The following BRAP variants were observed in gnomAD, a reference collection of about 807,000 sequenced individuals.
BRAP encodes BRCA1 associated protein, also known as BRCA1-associated protein.
A neutral mutation model predicts 73.4 loss-of-function variants in BRAP; 42 were observed. The observed-to-expected ratio is 0.57, with a 90% CI of 0.45 to 0.74. The LOEUF is 0.74. BRAP is among the 30% of genes least tolerant of loss of function. The pLI, the probability that BRAP is intolerant of heterozygous loss-of-function variation, is 0.00. For missense variants in BRAP, 593 were observed against 751.4 expected (o/e 0.79, Z 2.46); for synonymous variants, 255 against 267.4 (o/e 0.95, Z 0.45).
intron 11 of BRAP, among the ~76,000 whole-genome samples, chr12:111,644,853 T>G (rs1011529188): frequency 2.0e-5 from 3 of 151,706 alleles, no homozygotes; most frequent in African/African-American, 7.3e-5. Context: ...ACCTCCTGGG[T>G]TCAAGCGATT....
intron 7 of BRAP, among the ~76,000 whole-genome samples, chr12:111,659,569 G>T (rs1056065769): frequency 6.6e-6 from 1 of 152,160 alleles, no homozygotes; most frequent in Non-Finnish European, 1.5e-5. Flanking sequence ...CAAGAGAATC[G>T]CTTGAACCCA....
At chr12:111,683,033 G>GA in intron 2 of BRAP, 113 bp downstream of exon 2, 1 of 1,228,490 alleles carries the variant, frequency 8.1e-7, no homozygotes, top group Non-Finnish European at 1.1e-6. Context: ...CACACGTAGT[G>GA]AAAGACAAAA....
intron 11 of BRAP, 44 bp downstream of exon 11, chr12:111,649,895 T>C: frequency 7.4e-7 from 1 of 1,349,784 alleles, no homozygotes; most frequent in Non-Finnish European, 1.0e-6. Flanking sequence ...AGAAACTGTC[T>C]GTTTATAGAG....
intron 8 of BRAP, 63 bp downstream of exon 8, chr12:111,659,144 G>T: frequency 6.5e-7 from 1 of 1,548,002 alleles, no homozygotes; most frequent in Non-Finnish European, 8.8e-7. Flanking sequence ...GAAAGTGAAG[G>T]CGTTGTGAAG....
chr12:111,666,710 C>T (rs1213943040), intron 5 of BRAP, among the ~76,000 whole-genome samples: 8 of 152,144 alleles, frequency 5.3e-5, no homozygotes, highest in Non-Finnish European at 7.3e-5. Context: ...CTTGACTTGA[C>T]GCTTCCAGCC....
rs1382496471 is a variant in BRAP at position 111,643,081 on chromosome 12, C to T, written c.*1118G>A. 6.6e-6 allele frequency: 1 copy of T among 152,156 alleles called. No homozygotes were observed. The highest frequency in any genetic ancestry group is 1.5e-5 in the Non-Finnish European group (1 of 68,030). The allele number at this position is 152,156 out of a possible 1,614,324, so 9.4% of individuals were successfully genotyped here. A position where few individuals can be genotyped will look rare whatever the true frequency, so the allele number is the denominator to read the frequency against. On this transcript the variant is annotated 3_prime_UTR_variant, in exon 12 of 12. Coordinates refer to ENST00000419234, the MANE Select transcript of BRAP (RefSeq NM_006768.5). ...ACACAGGTCTTATTTTAAGTTTGCT[C>T]AATTACTGCAGGTTATAAATTATTT...
chr12:111,684,475 AC>A (rs1271527753), intron 1 of BRAP, among the ~76,000 whole-genome samples: 1 of 152,052 alleles, frequency 6.6e-6, no homozygotes, highest in East Asian at 1.9e-4. Flanking sequence ...CAAACCAAAC[AC>A]ATCTTCTTGT....
At chr12:111,680,425 A>G (rs1003025763) in intron 3 of BRAP, among the ~76,000 whole-genome samples, 5 of 151,898 alleles carry the variant, frequency 3.3e-5, no homozygotes, top group African/African-American at 1.2e-4. Flanking sequence ...TGCCGGGTGC[A>G]GTGACTCACA....
Position 111,644,384 on chromosome 12 carries a change from G to T in BRAP, c.1594C>A (p.Gln532Lys). Reference protein sequence around the residue: ...KDLQITEIQEQLRDVMFYLET... With the variant: ...KDLQITEIQEKLRDVMFYLET... ...AGGTAGAACATGACGTCACGCAGCTGCTCCTGGATCTCGGTGATCTGCAGA... is the reference window on the plus strand; with the variant it reads ...AGGTAGAACATGACGTCACGCAGCTTCTCCTGGATCTCGGTGATCTGCAGA... The change falls in exon 12 of 12, where the codon CAG becomes AAG. Residue 532 changes from glutamine (Q) to lysine (K), a missense_variant. Transcript: ENST00000419234. The T allele has an allele frequency of 6.2e-7, 1 of 1,613,980 alleles. No homozygotes were observed. The highest frequency in any genetic ancestry group is 8.5e-7 in the Non-Finnish European group (1 of 1,179,992).
In BRAP at chr12:111,685,890, A is replaced by C. The variant is rs1290364609; in HGVS notation, c.-98T>G. 2.0e-5 allele frequency: 15 copies of C among 766,458 alleles called. No individual in the cohort carries two copies. The highest frequency in any genetic ancestry group is 2.8e-5 in the Non-Finnish European group (15 of 545,024). 47.5% of individuals were successfully genotyped at this position (766,458 alleles called of 1,614,324 possible). ...GCCCGGGGCCGGCAGCGCCGCCACC[A>C]CCTCAATGCAGTTGCCGCCGCCTCA... On this transcript the variant is annotated 5_prime_UTR_variant, in exon 1 of 12. Coordinates refer to ENST00000419234, the MANE Select transcript of BRAP (RefSeq NM_006768.5).
chr12:111,684,291 A>G (rs1887713051), intron 1 of BRAP, among the ~76,000 whole-genome samples: 1 of 152,212 alleles, frequency 6.6e-6, no homozygotes, highest in Non-Finnish European at 1.5e-5. Flanking sequence ...GCAGATGTCT[A>G]TATGCGGCTA....
At position 111,683,197 on chromosome 12, in the gene BRAP, C is replaced by A. The variant is rs779253660; in HGVS notation, c.193G>T (p.Gly65Cys). Residue 65 changes from glycine to cysteine, a missense_variant, in exon 2 of 12, where the codon GGC becomes TGC. By Grantham distance (159) the Gly-to-Cys change is radical. This residue lies in a region of BRAP where 304 missense variants were observed against 337.7 expected (regional missense o/e 0.90). Transcript: ENST00000419234. ...ATCACATCTGTCATTTCTCGACGGC[C>A]GAGATGCTGATGGATAATCGCTACT... ...EKVAIIHQHL[G>C]RREMTDVIIE... 8 of 1,613,996 alleles carry A rather than the reference C, an allele frequency of 5.0e-6. No individual in the cohort carries two copies. In the Admixed American group the frequency reaches 1.0e-4, roughly 20 times the overall value.
At chr12:111,661,713 GTTTT>G (rs746875251) in intron 6 of BRAP, among the ~76,000 whole-genome samples, 2 of 141,706 alleles carry the variant, frequency 1.4e-5, no homozygotes, top group South Asian at 2.2e-4. Context: ...AAAAAAAAAG[GTTTT>G]TTTTTTTTTT....
chr12:111,657,768 A>T (rs1201334379), intron 9 of BRAP, among the ~76,000 whole-genome samples: 1 of 151,910 alleles, frequency 6.6e-6, no homozygotes, highest in African/African-American at 2.4e-5. Flanking sequence ...AGTCCCAGCT[A>T]CTCGGAAGGC....
chr12:111,649,312 C>T (rs1414514617), intron 11 of BRAP, among the ~76,000 whole-genome samples: 2 of 152,130 alleles, frequency 1.3e-5, no homozygotes, highest in East Asian at 3.9e-4. Context: ...GCCACCATGC[C>T]CAGCTCATTT....
chr12:111,677,134 C>T (rs1054787660), intron 4 of BRAP, among the ~76,000 whole-genome samples: 2 of 152,174 alleles, frequency 1.3e-5, no homozygotes, highest in Admixed American at 6.5e-5. Flanking sequence ...GTACTACCTG[C>T]ACATTATGAA....
chr12:111,660,896 G>A (rs796275344), intron 6 of BRAP, among the ~76,000 whole-genome samples: 26 of 152,060 alleles, frequency 1.7e-4, no homozygotes, highest in African/African-American at 6.0e-4. Context: ...GTCCTTTTCC[G>A]CTCTTATGTC....
intron 4 of BRAP, among the ~76,000 whole-genome samples, chr12:111,676,035 T>C (rs1887366172): frequency 6.6e-6 from 1 of 152,092 alleles, no homozygotes. Flanking sequence ...CCCCCTTTTT[T>C]TTTGATCTTT....
intron 6 of BRAP, among the ~76,000 whole-genome samples, 161 bp from the exon 7 acceptor site, chr12:111,660,836 A>C (rs1329443681): frequency 6.6e-6 from 1 of 152,206 alleles, no homozygotes; most frequent in Non-Finnish European, 1.5e-5. Context: ...AAATAAAAAT[A>C]TACAAAATCT....
Sources: gnomAD v4.1 joint callset for allele counts (sites outside exome capture counted in the v4.1 genomes callset) on GRCh38, gnomAD v4.1.1 for gene constraint, gnomAD v4.1.1 regional missense constraint, MANE v1.5 for transcripts, NCBI Gene and HGNC (gene_info 2026-07-23, HGNC 2026-07-21) for gene names.